ZNRF1: variants seen among roughly 807,000 people sequenced by gnomAD.
The protein encoded by ZNRF1 is zinc and ring finger 1.
A neutral mutation model predicts 18.4 loss-of-function variants in ZNRF1; 3 were observed. The observed-to-expected ratio is 0.16, with a 90% CI of 0.07 to 0.42. ZNRF1 has a LOEUF of 0.42. Ranked by LOEUF, ZNRF1 falls within the 10% of genes least tolerant of loss-of-function variation. ZNRF1 has a pLI of 0.99. For missense variants in ZNRF1, 310 were observed against 329.8 expected (o/e 0.94, Z 0.47); for synonymous variants, 157 against 144.2 (o/e 1.09, Z -0.64).
chr16:75,005,072 G>T (rs1291500142), intron 1 of ZNRF1, among the ~76,000 whole-genome samples: 2 of 152,164 alleles, frequency 1.3e-5, no homozygotes, highest in African/African-American at 4.8e-5. Flanking sequence ...GAAAGCCTTT[G>T]TGTCCCGCCA....
chr16:75,062,521 G>A (rs1202867932), intron 1 of ZNRF1, among the ~76,000 whole-genome samples: 2 of 152,226 alleles, frequency 1.3e-5, no homozygotes, highest in Admixed American at 6.5e-5. Context: ...AGCTTTGGCC[G>A]CATGCCCCCG....
chr16:75,065,264 G>A (rs1292220835), intron 1 of ZNRF1, among the ~76,000 whole-genome samples: 1 of 152,218 alleles, frequency 6.6e-6, no homozygotes, highest in Admixed American at 6.5e-5. Flanking sequence ...AGGTGCCTGC[G>A]GCTGAGGCTC....
chr16:75,057,101 A>G (rs1261637292), intron 1 of ZNRF1, among the ~76,000 whole-genome samples: 3 of 151,934 alleles, frequency 2.0e-5, no homozygotes, highest in Admixed American at 6.6e-5. Context: ...TTTCTTTCAG[A>G]TTTGTTCAGA....
At chr16:75,067,442 T>G (rs1270398263) in intron 1 of ZNRF1, among the ~76,000 whole-genome samples, 1 of 152,202 alleles carries the variant, frequency 6.6e-6, no homozygotes, top group Non-Finnish European at 1.5e-5. Context: ...GAAAATACAG[T>G]CTGCTACAAG....
At chr16:75,030,084 C>A (rs1250837297) in intron 1 of ZNRF1, among the ~76,000 whole-genome samples, 1 of 147,560 alleles carries the variant, frequency 6.8e-6, no homozygotes, top group Non-Finnish European at 1.5e-5. Context: ...AAAAAAAAAC[C>A]TGTTATTGAA....
At chr16:75,052,437 G>A (rs1487359454) in intron 1 of ZNRF1, among the ~76,000 whole-genome samples, 1 of 151,728 alleles carries the variant, frequency 6.6e-6, no homozygotes, top group African/African-American at 2.4e-5. Context: ...ATAATGTTAT[G>A]TTACCCCACC....
intron 1 of ZNRF1, among the ~76,000 whole-genome samples, chr16:75,074,505 G>A (rs954161059): frequency 2.0e-5 from 3 of 152,150 alleles, no homozygotes; most frequent in African/African-American, 7.2e-5. Context: ...AAAATAATCT[G>A]GTGCAGGGAG....
intron 1 of ZNRF1, among the ~76,000 whole-genome samples, chr16:75,049,739 A>G (rs2035566488): frequency 6.6e-6 from 1 of 152,176 alleles, no homozygotes; most frequent in South Asian, 2.1e-4. Flanking sequence ...TCAGTGGTAC[A>G]TCCTACATAA....
intron 1 of ZNRF1, among the ~76,000 whole-genome samples, chr16:75,049,091 G>A (rs886844025): frequency 7.3e-5 from 11 of 150,410 alleles, no homozygotes; most frequent in South Asian, 4.3e-4. Context: ...TGCAAACTCC[G>A]CCTCCAGAGT....
rs138611214 is a variant in ZNRF1, at chr16:75,095,427, C to T, written c.520+1760C>T. Among the ~76,000 whole-genome samples the T allele has an allele frequency of 5.2e-4, 79 of 152,136 alleles. No individual in the cohort carries two copies. The East Asian group carries it at 0.01, about 19-fold the overall frequency. ...CAGCTTTGTCCCTGTTCGCCGTCTCCGCTTGGGACCAGGGAGGGAGAGGAG... is the reference window on the plus strand; with the variant it reads ...CAGCTTTGTCCCTGTTCGCCGTCTCTGCTTGGGACCAGGGAGGGAGAGGAG... On this transcript the variant is annotated intron_variant, in intron 2 of 4. Coordinates refer to ENST00000335325, the MANE Select transcript of ZNRF1 (RefSeq NM_032268.5).
chr16:75,091,262 G>C (rs951852648), intron 1 of ZNRF1, among the ~76,000 whole-genome samples: 5 of 151,936 alleles, frequency 3.3e-5, no homozygotes, highest in African/African-American at 9.7e-5. Flanking sequence ...GGGAGGCTGA[G>C]GTGGGAGACT....
chr16:75,066,606 A>G (rs1316695845), intron 1 of ZNRF1, among the ~76,000 whole-genome samples: 2 of 152,118 alleles, frequency 1.3e-5, no homozygotes, highest in Non-Finnish European at 2.9e-5. Flanking sequence ...GGGTTCAAGC[A>G]ATTCTCCTGT....
intron 1 of ZNRF1, among the ~76,000 whole-genome samples, chr16:75,090,253 A>C (rs897174282): frequency 2.6e-5 from 4 of 152,206 alleles, no homozygotes; most frequent in Admixed American, 2.6e-4. Context: ...GTGACCCTGG[A>C]TCTGCACATT....
At chr16:75,106,619 T>C in intron 4 of ZNRF1, 48 bp downstream of exon 4, 1 of 1,545,378 alleles carries the variant, frequency 6.5e-7, no homozygotes, top group Non-Finnish European at 8.9e-7. Context: ...TGGGGTCAGG[T>C]CACTTTGGGG....
intron 1 of ZNRF1, among the ~76,000 whole-genome samples, chr16:75,035,313 C>G (rs933489128): frequency 6.6e-6 from 1 of 152,196 alleles, no homozygotes; most frequent in African/African-American, 2.4e-5. Flanking sequence ...GAATTACAGG[C>G]GTGAGCCGCT....
intron 1 of ZNRF1, among the ~76,000 whole-genome samples, chr16:75,091,678 A>C (rs1045509445): frequency 2.6e-5 from 4 of 151,814 alleles, no homozygotes; most frequent in African/African-American, 9.7e-5. Flanking sequence ...GACTACAGGC[A>C]CACACCACCA....
chr16:75,094,127 G>A lies in ZNRF1; in HGVS notation c.520+460G>A, dbSNP rs369429216. ...TGCATAGAGTGCTGGGAAGCTGGTCGTCTCCTTGTCACGTTCGAACTCGGA... is the reference window on the plus strand; with the variant it reads ...TGCATAGAGTGCTGGGAAGCTGGTCATCTCCTTGTCACGTTCGAACTCGGA... On this transcript the variant is annotated intron_variant, in intron 2 of 4. Coordinates refer to ENST00000335325, the MANE Select transcript of ZNRF1 (RefSeq NM_032268.5). 3.3e-5 allele frequency among the ~76,000 whole-genome samples: 5 copies of A among 152,288 alleles called. No homozygotes were observed. In the South Asian group the frequency reaches 1.0e-3, roughly 32 times the overall value.
At chr16:75,087,835 A>G (rs2036091901) in intron 1 of ZNRF1, among the ~76,000 whole-genome samples, 1 of 152,238 alleles carries the variant, frequency 6.6e-6, no homozygotes, top group South Asian at 2.1e-4. Flanking sequence ...CTTCACTGAC[A>G]GTTGCAAACT....
At chr16:75,093,455 A>T in intron 1 of ZNRF1, 117 bp from the exon 2 acceptor site, 1 of 730,466 alleles carries the variant, frequency 1.4e-6, no homozygotes, top group Non-Finnish European at 2.4e-6. Flanking sequence ...GTCTGTTCTG[A>T]TGGTCATCCT....
Sources: allele counts gnomAD v4.1 joint callset (sites outside exome capture counted in the v4.1 genomes callset), GRCh38; gene constraint gnomAD v4.1.1; transcripts MANE v1.5; gene names NCBI Gene and HGNC (gene_info 2026-07-23, HGNC 2026-07-21).